The following CHST9 variants were observed in gnomAD, a reference collection of about 807,000 sequenced individuals.
The protein encoded by CHST9 is carbohydrate sulfotransferase 9.
In CHST9, 41 loss-of-function variants were observed where a neutral mutation model predicts 44.4. The ratio of observed to expected loss-of-function variants is 0.92; its 90% CI spans 0.72 to 1.20. The LOEUF (loss-of-function observed/expected upper bound fraction) is 1.20, where lower values mean the gene tolerates loss of function less well. Ranked by LOEUF, CHST9 falls within the 50% of genes most tolerant of loss-of-function variation. The pLI is 0.00. For missense variants in CHST9, 504 were observed against 516.5 expected (o/e 0.98, Z 0.23); for synonymous variants, 171 against 178.4 (o/e 0.96, Z 0.33).
chr18:26,977,425 T>TAAA lies in CHST9; in HGVS notation c.203-33062_203-33060dup, dbSNP rs34131355. Among the ~76,000 whole-genome samples the TAAA allele has an allele frequency of 8.9e-3, 1,195 of 134,628 alleles. 16 individuals are homozygous for TAAA. The highest frequency in any genetic ancestry group is 0.032 in the African/African-American group (1,140 of 35,570). 88.3% of individuals were successfully genotyped at this position (134,628 alleles called of 152,430 possible). On this transcript the variant is annotated intron_variant, in intron 4 of 5. Transcript: ENST00000618847. ...GGAAATCATTTCCAAAGGTCACTTG[T>TAAA]AAAAAAAAAAAAAAAAAATGAAAAG...
chr18:27,171,937 CT>C (rs1253449877), intron 1 of CHST9, among the ~76,000 whole-genome samples: 1 of 152,122 alleles, frequency 6.6e-6, no homozygotes, highest in Non-Finnish European at 1.5e-5. Flanking sequence ...CTTTCTGAGA[CT>C]TTAGGTAAAA....
At chr18:27,009,866 T>A (rs1013208625) in intron 4 of CHST9, among the ~76,000 whole-genome samples, 8 of 152,214 alleles carry the variant, frequency 5.3e-5, no homozygotes, top group Admixed American at 4.6e-4. Flanking sequence ...TTTGGTAGAA[T>A]CATATCCATG....
intron 4 of CHST9, among the ~76,000 whole-genome samples, chr18:26,976,780 AG>A (rs1730376802): frequency 1.3e-5 from 2 of 152,216 alleles, no homozygotes; most frequent in Middle Eastern, 3.4e-3. Flanking sequence ...AGCTGGGGAC[AG>A]GGGGCTGCTT....
At chr18:27,074,326 T>C (rs2057875670) in intron 2 of CHST9, among the ~76,000 whole-genome samples, 1 of 152,196 alleles carries the variant, frequency 6.6e-6, no homozygotes, top group Non-Finnish European at 1.5e-5. Context: ...TCCACATGAA[T>C]ACCATCTATG....
chr18:27,166,261 A>G (rs1033710959), intron 1 of CHST9, among the ~76,000 whole-genome samples: 4 of 151,996 alleles, frequency 2.6e-5, no homozygotes, highest in Admixed American at 6.6e-5. Flanking sequence ...CATTTCTCAC[A>G]CTTCTTAATT....
At chr18:26,984,166 T>A (rs181353451) in intron 4 of CHST9, among the ~76,000 whole-genome samples, 1 of 152,358 alleles carries the variant, frequency 6.6e-6, no homozygotes, top group East Asian at 1.9e-4. Flanking sequence ...CTCACTTAAT[T>A]GTAACTTTTC....
intron 2 of CHST9, among the ~76,000 whole-genome samples, chr18:27,134,281 GA>G (rs879675799): frequency 6.6e-6 from 1 of 151,552 alleles, no homozygotes; most frequent in Admixed American, 6.6e-5. Context: ...TACTTAGTTT[GA>G]AAAAAAAGCA....
At chr18:27,010,607 T>C (rs892095597) in intron 4 of CHST9, among the ~76,000 whole-genome samples, 1 of 152,216 alleles carries the variant, frequency 6.6e-6, no homozygotes, top group Admixed American at 6.5e-5. Flanking sequence ...ACCTTGGGTT[T>C]CTCATATACA....
At chr18:27,175,619 T>G (rs1261853283) in intron 1 of CHST9, among the ~76,000 whole-genome samples, 2 of 152,068 alleles carry the variant, frequency 1.3e-5, no homozygotes, top group Non-Finnish European at 2.9e-5. Flanking sequence ...TTTTATTTAC[T>G]TATTTGTGTA....
intron 4 of CHST9, among the ~76,000 whole-genome samples, chr18:26,981,238 C>G (rs2056688359): frequency 6.6e-6 from 1 of 152,034 alleles, no homozygotes; most frequent in Admixed American, 6.6e-5. Context: ...TTTTACAAGG[C>G]CAAAAGCATA....
chr18:27,038,695 A>G (rs1230191762), intron 3 of CHST9, among the ~76,000 whole-genome samples: 2 of 152,202 alleles, frequency 1.3e-5, no homozygotes, highest in Non-Finnish European at 2.9e-5. Context: ...TAAAATCTGA[A>G]GTAGTGTAAA....
At chr18:26,999,083 G>A (rs1466346786) in intron 4 of CHST9, among the ~76,000 whole-genome samples, 1 of 152,302 alleles carries the variant, frequency 6.6e-6, no homozygotes, top group East Asian at 1.9e-4. Flanking sequence ...CACTTATTCA[G>A]TACTAAATTA....
chr18:27,042,663 T>C (rs1352971772), intron 3 of CHST9, among the ~76,000 whole-genome samples: 1 of 152,078 alleles, frequency 6.6e-6, no homozygotes, highest in African/African-American at 2.4e-5. Flanking sequence ...ACTTTACATG[T>C]TCATTTAAAG....
At chr18:26,927,302 C>T (rs1215229198) in intron 5 of CHST9, among the ~76,000 whole-genome samples, 1 of 152,004 alleles carries the variant, frequency 6.6e-6, no homozygotes. Flanking sequence ...CCCCTCCACA[C>T]CTGTGGGCGT....
At chr18:27,064,425 C>T (rs777312646) in intron 2 of CHST9, among the ~76,000 whole-genome samples, 7 of 152,226 alleles carry the variant, frequency 4.6e-5, no homozygotes, top group Middle Eastern at 3.4e-3. Flanking sequence ...CGCATCAGAG[C>T]AGTGACATTT....
rs559115960 is a variant in CHST9 at position 27,003,904 on chromosome 18, C to G, written c.202+20212G>C. The stretch of plus-strand genomic sequence containing the variant: ...TGTTATTTGCTCCAATTTTTCTCCC[C>G]ATTTACTTGATCAGTGTGAGAAACT... On this transcript the variant is annotated intron_variant, in intron 4 of 5. Coordinates refer to ENST00000618847, the MANE Select transcript of CHST9 (RefSeq NM_031422.6). Among the ~76,000 whole-genome samples, 6 of 152,050 alleles carry G rather than the reference C, an allele frequency of 3.9e-5. No individual in the cohort carries two copies. In the South Asian group the frequency reaches 1.0e-3, roughly 26 times the overall value.
intron 3 of CHST9, among the ~76,000 whole-genome samples, chr18:27,042,651 A>G (rs560017613): frequency 7.8e-4 from 118 of 152,204 alleles, no homozygotes; most frequent in Admixed American, 1.3e-3. Context: ...GACCATAAAC[A>G]AACTTTACAT....
chr18:26,962,470 T>C (rs1229934738), intron 4 of CHST9, among the ~76,000 whole-genome samples: 2 of 152,240 alleles, frequency 1.3e-5, no homozygotes, highest in East Asian at 3.9e-4. Context: ...TTTGTATTTT[T>C]AGTAGAGATG....
chr18:27,132,358 T>C (rs1312722751), intron 2 of CHST9, among the ~76,000 whole-genome samples: 1 of 152,200 alleles, frequency 6.6e-6, no homozygotes, highest in South Asian at 2.1e-4. Context: ...AGATAACACA[T>C]TTCTGACCTC....
Sources: gnomAD v4.1 joint callset for allele counts (sites outside exome capture counted in the v4.1 genomes callset) on GRCh38, gnomAD v4.1.1 for gene constraint, MANE v1.5 for transcripts, NCBI Gene and HGNC (gene_info 2026-07-23, HGNC 2026-07-21) for gene names.